The following ZSWIM9 variants were observed in gnomAD, a reference collection of about 807,000 sequenced individuals.
The protein encoded by ZSWIM9 is uncharacterized protein ZSWIM9.
In ZSWIM9, 11 loss-of-function variants were observed where a neutral mutation model predicts 25.0. The observed-to-expected ratio is 0.44, with a 90% CI of 0.28 to 0.73. The LOEUF (loss-of-function observed/expected upper bound fraction) is 0.73, where lower values mean the gene tolerates loss of function less well. Ranked by LOEUF, ZSWIM9 falls within the 30% of genes least tolerant of loss-of-function variation. The probability of loss-of-function intolerance (pLI) is 0.16; values close to 1 mark genes in which losing one functional copy is unlikely to be tolerated. For missense variants in ZSWIM9, 1,070 were observed against 1,296.5 expected (o/e 0.83, Z 2.68); for synonymous variants, 562 against 582.1 (o/e 0.97, Z 0.50).
rs1253669451 is a variant in ZSWIM9, at chr19:48,197,501, C to G, written c.*674C>G. ...CTCCAAGACCTGGAGACATCGACCC[C>G]CATCGCCTTCTGAAGAGAGAGGGAG... is the stretch of plus-strand genomic sequence containing the variant. On this transcript the variant is annotated 3_prime_UTR_variant, in exon 4 of 4. Coordinates refer to ENST00000614654, the MANE Select transcript of ZSWIM9 (RefSeq NM_199341.4). 3 of 558,704 alleles carry G rather than the reference C, an allele frequency of 5.4e-6. No homozygotes were observed. The highest frequency in any genetic ancestry group is 3.8e-5 in the African/African-American group (2 of 52,932). 34.6% of individuals were successfully genotyped at this position (558,704 alleles called of 1,614,324 possible). A position where few individuals can be genotyped will look rare whatever the true frequency, so the allele number is the denominator to read the frequency against.
chr19:48,192,639 C>T (rs2037112761), intron 3 of ZSWIM9, among the ~76,000 whole-genome samples: 1 of 150,982 alleles, frequency 6.6e-6, no homozygotes, highest in African/African-American at 2.4e-5. Context: ...TATTGGATCC[C>T]AGCATCACTG....
intron 3 of ZSWIM9, among the ~76,000 whole-genome samples, chr19:48,183,840 G>A (rs935576195): frequency 6.6e-6 from 1 of 150,392 alleles, no homozygotes; most frequent in Non-Finnish European, 1.5e-5. Flanking sequence ...GCGGGGGGGG[G>A]TCTCCCTATG....
At position 48,182,456 on chromosome 19, in the gene ZSWIM9, C is replaced by A; in HGVS notation, c.277C>A (p.Pro93Thr). ...VRAPSRPAVG[P>T]PQPGCPAFII... is the part of the protein sequence containing the mutation. ...GGGCGGTGGTGGTTCCTCCCACAGG[C>A]CTCCCCAGCCCGGCTGCCCCGCCTT... Residue 93 changes from proline (P) to threonine (T), a missense_variant and splice_region_variant, in exon 3 of 4, where the codon CCT becomes ACT. Transcript: ENST00000614654. The surrounding 1 kb of genome is among the most constrained non-coding windows in gnomAD (Gnocchi z 4.6). 6.5e-7 allele frequency: 1 copy of A among 1,531,752 alleles called. No homozygotes were observed. The highest frequency in any genetic ancestry group is 1.7e-4 in the Middle Eastern group (1 of 5,854). The allele number at this position is 1,531,752 out of a possible 1,614,324, so 94.9% of individuals were successfully genotyped here.
At chr19:48,183,832 G>GC (rs1555786916) in intron 3 of ZSWIM9, among the ~76,000 whole-genome samples, 1 of 127,300 alleles carries the variant, frequency 7.9e-6, no homozygotes, top group Non-Finnish European at 1.7e-5. Context: ...GATGTTTGGC[G>GC]GGGGGGGGTC....
In ZSWIM9 at chr19:48,196,352, A is replaced by G. The variant is rs973547934; in HGVS notation, c.2288A>G (p.Asn763Ser). ...GGAGGGCGGTGTCTAGGGCTGGGGAATGGAGTCGTGTCTGGCACCCCGGTG... is the reference window on the plus strand; with the variant it reads ...GGAGGGCGGTGTCTAGGGCTGGGGAGTGGAGTCGTGTCTGGCACCCCGGTG... ...DAGGRCLGLGNGVVSGTPVGT... is the reference protein window; with the variant it reads ...DAGGRCLGLGSGVVSGTPVGT... The change falls in exon 4 of 4, where the codon AAT becomes AGT. Residue 763 changes from asparagine (N) to serine (S), a missense_variant. Transcript: ENST00000614654. 20 of 1,232,474 alleles carry G rather than the reference A, an allele frequency of 1.6e-5. No homozygotes were observed. In the East Asian group the frequency reaches 4.4e-4, roughly 27 times the overall value. The allele number at this position is 1,232,474 out of a possible 1,614,324, so 76.3% of individuals were successfully genotyped here. A position where few individuals can be genotyped will look rare whatever the true frequency, so the allele number is the denominator to read the frequency against.
chr19:48,187,406 ATATAT>A (rs1277312411), intron 3 of ZSWIM9, among the ~76,000 whole-genome samples: 5 of 97,270 alleles, frequency 5.1e-5, no homozygotes, highest in African/African-American at 7.1e-5. Flanking sequence ...TATATTAATT[ATATAT>A]TATAATTATA....
intron 3 of ZSWIM9, among the ~76,000 whole-genome samples, chr19:48,192,309 G>A (rs1166346507): frequency 1.3e-5 from 2 of 149,938 alleles, no homozygotes; most frequent in East Asian, 3.9e-4. Flanking sequence ...AATTAGCCAG[G>A]CGTGGTGGCG....
In ZSWIM9 at chr19:48,195,280, G is replaced by T; in HGVS notation, c.1216G>T (p.Val406Leu). ...CAGAGACCTGGACGCGTGTGCCCTGGTGCGAGGCCACCGCCGGCGACTGCT... is the reference window on the plus strand; with the variant it reads ...CAGAGACCTGGACGCGTGTGCCCTGTTGCGAGGCCACCGCCGGCGACTGCT... ...AARDLDACAL[V>L]RGHRRRLLRR... is the part of the protein sequence containing the mutation. The change falls in exon 4 of 4, where the codon GTG becomes TTG. Residue 406 changes from valine (V) to leucine (L), a missense_variant. Val to Leu is a conservative substitution (Grantham distance 32). This residue lies in a region of ZSWIM9 where 184 missense variants were observed against 243.1 expected (regional missense o/e 0.76). Transcript: ENST00000614654. The surrounding 1 kb of genome is among the most constrained non-coding windows in gnomAD (Gnocchi z 5.8). 6.5e-7 allele frequency: 1 copy of T among 1,529,760 alleles called. No individual in the cohort carries two copies. Among genetic ancestry groups the T allele is most frequent in the Non-Finnish European group, 8.7e-7 (1 of 1,143,862 alleles). The allele number at this position is 1,529,760 out of a possible 1,614,324, so 94.8% of individuals were successfully genotyped here. A position where few individuals can be genotyped will look rare whatever the true frequency, so the allele number is the denominator to read the frequency against.
At position 48,194,815 on chromosome 19, in the gene ZSWIM9, G is replaced by T. The variant is rs1300987609; in HGVS notation, c.751G>T (p.Gly251Cys). 6.7e-7 allele frequency: 1 copy of T among 1,484,060 alleles called. No homozygotes were observed. The highest frequency in any genetic ancestry group is 2.2e-4 in the Middle Eastern group (1 of 4,636). 91.9% of individuals were successfully genotyped at this position (1,484,060 alleles called of 1,614,324 possible). Reference protein sequence around the residue: ...LDLLAVLCVDGSGRARQAACC... With the variant: ...LDLLAVLCVDCSGRARQAACC... ...TCTGCTGGCCGTGCTGTGCGTGGACGGCTCGGGCCGTGCGCGCCAGGCTGC... is the reference window on the plus strand; with the variant it reads ...TCTGCTGGCCGTGCTGTGCGTGGACTGCTCGGGCCGTGCGCGCCAGGCTGC... The change falls in exon 4 of 4, where the codon GGC (glycine) becomes TGC (cysteine). Residue 251 changes from glycine to cysteine, a missense_variant. Gly to Cys is a radical substitution (Grantham distance 159). Coordinates refer to ENST00000614654, the MANE Select transcript of ZSWIM9 (RefSeq NM_199341.4). This position sits in a 1 kb window ranked among gnomAD's most constrained non-coding sequence, Gnocchi z 6.0.
intron 2 of ZSWIM9, among the ~76,000 whole-genome samples, chr19:48,179,695 A>C (rs1040207007): frequency 3.3e-5 from 5 of 152,184 alleles, no homozygotes; most frequent in Non-Finnish European, 7.3e-5. Flanking sequence ...GTGGAGTGGA[A>C]CATTCGGCAG....
intron 2 of ZSWIM9, among the ~76,000 whole-genome samples, chr19:48,176,503 G>A (rs274874): frequency 0.57 from 86,526 of 151,812 alleles, 25,396 homozygotes; most frequent in East Asian, 0.86. Flanking sequence ...CCCTCATTCT[G>A]GTTACTAAGC....
chr19:48,180,827 G>A (rs1017366308), intron 2 of ZSWIM9: 2 of 146,118 alleles, frequency 1.4e-5, no homozygotes, highest in Admixed American at 7.0e-5. Context: ...GTGCGATCTC[G>A]GCTCACTGCA....
At chr19:48,187,571 A>ATATTATATATTATATAATATAATAT (rs2037042565) in intron 3 of ZSWIM9, 1 of 59,044 alleles carries the variant, frequency 1.7e-5, no homozygotes, top group Non-Finnish European at 3.2e-5. Flanking sequence ...ATATAATATT[A>ATATTATATATTATATAATATAATAT]TATATATTAT....
intron 2 of ZSWIM9, 58 bp downstream of exon 2, chr19:48,172,135 T>TAGGGGGCCCCCGGGGGGGGGGTGG: frequency 2.6e-6 from 1 of 386,928 alleles, no homozygotes; most frequent in Non-Finnish European, 4.5e-6. Flanking sequence ...GGGGTGGGTG[T>TAGGGGGCCCCCGGGGGGGGGGTGG]GGGTGGGAGA....
At chr19:48,192,740 G>A (rs1407983266) in intron 3 of ZSWIM9, among the ~76,000 whole-genome samples, 1 of 151,548 alleles carries the variant, frequency 6.6e-6, no homozygotes, top group African/African-American at 2.4e-5. Flanking sequence ...TCACTAGAAG[G>A]AATCACAGAA....
chr19:48,186,932 C>T (rs527530253), intron 3 of ZSWIM9, among the ~76,000 whole-genome samples: 2 of 152,230 alleles, frequency 1.3e-5, no homozygotes, highest in South Asian at 2.1e-4. Context: ...CCCCCAGTCA[C>T]TGGGGGTGGG....
intron 3 of ZSWIM9, among the ~76,000 whole-genome samples, chr19:48,193,585 C>CCACCCT (rs1568583063): frequency 2.0e-5 from 3 of 152,134 alleles, no homozygotes; most frequent in Non-Finnish European, 4.4e-5. Flanking sequence ...GATCAGGAAA[C>CCACCCT]GAAGATATGA....
intron 3 of ZSWIM9, among the ~76,000 whole-genome samples, chr19:48,192,428 C>A (rs405755): frequency 8.8e-6 from 1 of 113,070 alleles, no homozygotes; most frequent in South Asian, 3.3e-4. Flanking sequence ...CCAGCCAGGG[C>A]GACAGAGTGA....
At chr19:48,172,211 C>G in intron 2 of ZSWIM9, 134 bp downstream of exon 2, 1 of 799,094 alleles carries the variant, frequency 1.3e-6, no homozygotes, top group Non-Finnish European at 1.9e-6. Flanking sequence ...CCAAATACAC[C>G]TTGCAGAGAG....
Sources: gnomAD v4.1 joint callset for allele counts (sites outside exome capture counted in the v4.1 genomes callset) on GRCh38, gnomAD v4.1.1 for gene constraint, gnomAD v4.1.1 regional missense constraint, Gnocchi (gnomAD v3.1) non-coding constraint, MANE v1.5 for transcripts, NCBI Gene and HGNC (gene_info 2026-07-23, HGNC 2026-07-21) for gene names.